Variants in RNF123 observed in about 807,000 individuals in gnomAD.
RNF123 encodes E3 ubiquitin-protein ligase RNF123.
A neutral mutation model predicts 168.5 loss-of-function variants in RNF123; 86 were observed. The ratio of observed to expected loss-of-function variants is 0.51; its 90% CI spans 0.43 to 0.61. RNF123 has a LOEUF of 0.61. RNF123 is among the 20% of genes least tolerant of loss of function. The probability of loss-of-function intolerance (pLI) is 0.00; values close to 1 mark genes in which losing one functional copy is unlikely to be tolerated. For synonymous variants in RNF123, 666 were observed against 689.1 expected, an observed-to-expected ratio of 0.97 and a Z score of 0.52; for missense variants, 1,419 against 1,729.7, an observed-to-expected ratio of 0.82 and a Z score of 3.19.
chr3:49,718,664 G>A, intron 35 of RNF123: 1 of 1,612,864 alleles, frequency 6.2e-7, no homozygotes, highest in Non-Finnish European at 8.5e-7. Flanking sequence ...TCAAAGACGC[G>A]GCTGTGCTGG....
intron 25 of RNF123, 90 bp downstream of exon 25, chr3:49,706,155 G>A: frequency 1.7e-6 from 2 of 1,189,796 alleles, no homozygotes; most frequent in Non-Finnish European, 1.2e-6. Context: ...TGCCCTGGCA[G>A]TTCTCATCCC....
chr3:49,700,009 A>G, intron 12 of RNF123: 1 of 702,396 alleles, frequency 1.4e-6, no homozygotes. Flanking sequence ...ATAACATCCC[A>G]GGCCAAGGAA....
chr3:49,711,890 C>T (rs1575535641), intron 26 of RNF123, among the ~76,000 whole-genome samples: 1 of 152,236 alleles, frequency 6.6e-6, no homozygotes, highest in Admixed American at 6.6e-5. Flanking sequence ...TGTCTGCTTA[C>T]CATCGCCAGC....
At chr3:49,713,622 G>C in intron 28 of RNF123, 35 bp downstream of exon 28, 1 of 1,600,850 alleles carries the variant, frequency 6.2e-7, no homozygotes, top group Non-Finnish European at 8.5e-7. Flanking sequence ...AGGGGGAGGG[G>C]GATGGGATGG....
At position 49,705,593 on chromosome 3, in the gene RNF123, C is replaced by A. The variant is rs1348747742; in HGVS notation, c.2218C>A (p.Gln740Lys). Reference protein sequence around the residue: ...LLGRPPEEPEQPLTENSLLEV... With the variant: ...LLGRPPEEPEKPLTENSLLEV... ...GGGGCGGCCCCCCGAGGAGCCTGAG[C>A]AGCCCCTCACCGAGAACTCGCTGCT... The change falls in exon 24 of 39, where the codon CAG (glutamine) becomes AAG (lysine). Residue 740 changes from glutamine to lysine, a missense_variant. By Grantham distance (53) the Gln-to-Lys change is moderately conservative. This residue lies in a region of RNF123 where 538 missense variants were observed against 708.8 expected (regional missense o/e 0.76). Transcript: ENST00000327697. 1 of 1,612,946 alleles carries A rather than the reference C, an allele frequency of 6.2e-7. No individual in the cohort carries two copies.
intron 31 of RNF123, among the ~76,000 whole-genome samples, chr3:49,714,933 GT>G (rs1409771586): frequency 6.6e-6 from 1 of 152,274 alleles, no homozygotes; most frequent in Non-Finnish European, 1.5e-5. Flanking sequence ...AATTGCCGTG[GT>G]CCTGCGTCCA....
Position 49,713,507 on chromosome 3 carries a change from T to A in RNF123, c.2675-6T>A. 6.2e-7 allele frequency: 1 copy of A among 1,605,732 alleles called. No homozygotes were observed. The highest frequency in any genetic ancestry group is 1.1e-5 in the South Asian group (1 of 89,596). ...AGCCGACACGTCTCACTTCCCACCCTTGCAGGCTATGAAGAGACCCTGACC... is the reference window on the plus strand; with the variant it reads ...AGCCGACACGTCTCACTTCCCACCCATGCAGGCTATGAAGAGACCCTGACC... On this transcript the variant is annotated splice_polypyrimidine_tract_variant and splice_region_variant and intron_variant, in intron 27 of 38. Transcript: ENST00000327697.
At position 49,699,395 on chromosome 3, in the gene RNF123, G is replaced by A. The variant is rs1013660581; in HGVS notation, c.765-73G>A. ...TGCCCTAGAGCCCAGGCCCCGGGGT[G>A]GGGGGTGGGCAGTGGAGAGGGAGTA... On this transcript the variant is annotated intron_variant, in intron 10 of 38. Transcript: ENST00000327697. This position sits in a 1 kb window ranked among gnomAD's most constrained non-coding sequence, Gnocchi z 4.8. The A allele has an allele frequency of 4.0e-5, 52 of 1,310,392 alleles. No homozygotes were observed. In the East Asian group the frequency reaches 8.4e-4, roughly 21 times the overall value. The allele number at this position is 1,310,392 out of a possible 1,614,324, so 81.2% of individuals were successfully genotyped here.
At chr3:49,717,558 G>T (rs933890234) in intron 35 of RNF123, 18 of 246,382 alleles carry the variant, frequency 7.3e-5, no homozygotes, top group Non-Finnish European at 2.4e-5. Context: ...GAGGGTGGAC[G>T]GGAGGCTCTG....
intron 3 of RNF123, among the ~76,000 whole-genome samples, chr3:49,694,126 G>A (rs1026388075): frequency 2.6e-5 from 4 of 152,134 alleles, no homozygotes; most frequent in Non-Finnish European, 5.9e-5. Flanking sequence ...ATCTTATAAT[G>A]TATGTAGTTC....
In RNF123 at chr3:49,712,488, C is replaced by T. The variant is rs1209644433; in HGVS notation, c.2506C>T (p.Leu836=). ...CGTGTGCCTCCTGCAGGAGAAGATGCTGGACATCTACTGGCTGCTGCGCGT... is the reference window on the plus strand; with the variant it reads ...CGTGTGCCTCCTGCAGGAGAAGATGTTGGACATCTACTGGCTGCTGCGCGT... ...HATVYSQEKM[L]DIYWLLRVCL... is the part of the protein sequence containing the mutation. Residue 836 remains leucine, a synonymous_variant, in exon 27 of 39, where the codon CTG becomes TTG. Coordinates refer to ENST00000327697, the MANE Select transcript of RNF123 (RefSeq NM_022064.5). 1.9e-6 allele frequency: 3 copies of T among 1,613,948 alleles called. No homozygotes were observed. The highest frequency in any genetic ancestry group is 2.2e-5 in the East Asian group (1 of 44,888).
chr3:49,689,888 C>T (rs975985944), intron 1 of RNF123: 4 of 152,206 alleles, frequency 2.6e-5, no homozygotes, highest in Admixed American at 6.5e-5. Context: ...CAGGGAGTCC[C>T]CGGGCGGGGA....
chr3:49,701,972 G>T, intron 17 of RNF123, 62 bp downstream of exon 17: 1 of 1,550,824 alleles, frequency 6.4e-7, no homozygotes, highest in African/African-American at 1.4e-5. Context: ...AGGGTGCTTG[G>T]AGGTGCCCAT....
In RNF123 at chr3:49,701,924, G is replaced by T; in HGVS notation, c.1495+14G>T. On this transcript the variant is annotated intron_variant, in intron 17 of 38. Transcript: ENST00000327697. ...AGCGCATCGAAGGTCAGCCCGCCTT[G>T]GGCACGGGGTAGGGTGGGAGGTGTG... 6.4e-7 allele frequency: 1 copy of T among 1,558,704 alleles called. No homozygotes were observed. The highest frequency in any genetic ancestry group is 8.7e-7 in the Non-Finnish European group (1 of 1,150,836).
At chr3:49,704,589 A>G (rs1575529076) in intron 21 of RNF123, 61 bp from the exon 22 acceptor site, 2 of 1,409,184 alleles carry the variant, frequency 1.4e-6, no homozygotes, top group Non-Finnish European at 2.0e-6. Flanking sequence ...CGTCCTGGGC[A>G]CTTCCACTGT....
chr3:49,717,806 G>T, intron 35 of RNF123: 1 of 851,358 alleles, frequency 1.2e-6, no homozygotes, highest in Non-Finnish European at 1.8e-6. Flanking sequence ...GAGCGAGAAG[G>T]CCCATTGTGT....
intron 35 of RNF123, chr3:49,719,273 C>G (rs927907782): frequency 6.2e-7 from 1 of 1,613,348 alleles, no homozygotes. Flanking sequence ...AGGTCGAGGT[C>G]CGCAGTAGCG....
At chr3:49,701,281 C>T (rs1249783029) in intron 15 of RNF123, among the ~76,000 whole-genome samples, 1 of 152,260 alleles carries the variant, frequency 6.6e-6, no homozygotes, top group Non-Finnish European at 1.5e-5. Flanking sequence ...CCTTATCGTG[C>T]ACCTGCTGGG....
chr3:49,693,088 G>C (rs1045466188), intron 3 of RNF123, among the ~76,000 whole-genome samples: 2 of 129,136 alleles, frequency 1.5e-5, no homozygotes, highest in Admixed American at 8.5e-5. Context: ...TTGCTCTGTT[G>C]CCCAGGCTGG....
Sources: allele counts gnomAD v4.1 joint callset (sites outside exome capture counted in the v4.1 genomes callset), GRCh38; gene constraint gnomAD v4.1.1; regional missense constraint gnomAD v4.1.1; non-coding constraint Gnocchi (gnomAD v3.1); transcripts MANE v1.5; gene names NCBI Gene and HGNC (gene_info 2026-07-23, HGNC 2026-07-21).